The following SEC14L4 variants were observed in gnomAD, a reference collection of about 807,000 sequenced individuals.
SEC14L4 encodes the protein SEC14 like lipid binding 4, also known as SEC14-like protein 4.
Under a neutral mutation model 55.1 loss-of-function variants are expected in SEC14L4, and 42 were observed. The ratio of observed to expected loss-of-function variants is 0.76; its 90% CI spans 0.60 to 0.99. The LOEUF is 0.99. SEC14L4 is among the 50% of genes least tolerant of loss of function. The probability of loss-of-function intolerance (pLI) is 0.00; values close to 1 mark genes in which losing one functional copy is unlikely to be tolerated. For missense variants in SEC14L4, 445 were observed against 512.1 expected, an observed-to-expected ratio of 0.87 and a Z score of 1.27; for synonymous variants, 206 against 206.8, an observed-to-expected ratio of 1.00 and a Z score of 0.03.
chr22:30,489,761 T>TGGG lies in SEC14L4; in HGVS notation c.*343_*345dup. The TGGG allele has an allele frequency of 9.0e-7, 1 of 1,116,012 alleles. No homozygotes were observed. Among genetic ancestry groups the TGGG allele is most frequent in the Non-Finnish European group, 1.3e-6 (1 of 750,074 alleles). 69.1% of individuals were successfully genotyped at this position (1,116,012 alleles called of 1,614,324 possible). A position where few individuals can be genotyped will look rare whatever the true frequency, so the allele number is the denominator to read the frequency against. ...CCCCCTGAAGCTGGAACACCAGGCA[T>TGGG]GGGTGAGTCCTGGGTGGCTGGATCT... is the stretch of plus-strand genomic sequence containing the variant. On this transcript the variant is annotated 3_prime_UTR_variant, in exon 12 of 12. Transcript: ENST00000255858.
intron 2 of SEC14L4, among the ~76,000 whole-genome samples, chr22:30,499,072 C>G (rs1936239684): frequency 6.6e-6 from 1 of 152,050 alleles, no homozygotes; most frequent in African/African-American, 2.4e-5. Context: ...TCCTGAGTAG[C>G]TGAGACTACA....
At chr22:30,495,480 A>AC in intron 4 of SEC14L4, 38 bp from the exon 5 acceptor site, 1 of 1,607,884 alleles carries the variant, frequency 6.2e-7, no homozygotes. Context: ...AATCCAGCTC[A>AC]CCAGGCTGGG....
At chr22:30,491,802 G>A (rs1935966063) in intron 10 of SEC14L4, 32 bp downstream of exon 10, 1 of 1,611,594 alleles carries the variant, frequency 6.2e-7, no homozygotes, top group African/African-American at 1.3e-5. Flanking sequence ...CCTCCCAGAT[G>A]TGCCCAGGTG....
intron 7 of SEC14L4, among the ~76,000 whole-genome samples, chr22:30,493,212 T>G (rs1256873814): frequency 6.6e-6 from 1 of 152,194 alleles, no homozygotes; most frequent in African/African-American, 2.4e-5. Context: ...GTATCACTTC[T>G]TTTCCACACT....
In SEC14L4 at chr22:30,489,794, A is replaced by G. The variant is rs987268090; in HGVS notation, c.*313T>C. The G allele has an allele frequency of 6.9e-7, 1 of 1,441,558 alleles. No individual in the cohort carries two copies. The allele number at this position is 1,441,558 out of a possible 1,614,324, so 89.3% of individuals were successfully genotyped here. ...TCCTGGGTGGCTGGATCTTGTCAAG[A>G]TGGGTGAAAGGGCAGCTTCTGCAAG... On this transcript the variant is annotated 3_prime_UTR_variant, in exon 12 of 12. Coordinates refer to ENST00000255858, the MANE Select transcript of SEC14L4 (RefSeq NM_174977.4).
intron 2 of SEC14L4, among the ~76,000 whole-genome samples, chr22:30,500,586 T>G (rs1024493278): frequency 1.3e-5 from 2 of 150,962 alleles, no homozygotes; most frequent in African/African-American, 4.9e-5. Flanking sequence ...AGGCTGGTCT[T>G]GAACTCCTGG....
At chr22:30,495,507 T>A in intron 4 of SEC14L4, 65 bp from the exon 5 acceptor site, 1 of 1,606,564 alleles carries the variant, frequency 6.2e-7, no homozygotes, top group Non-Finnish European at 8.5e-7. Context: ...CTCCATCAGG[T>A]GGCTGGACGT....
chr22:30,493,900 A>G (rs1048565897), intron 7 of SEC14L4, among the ~76,000 whole-genome samples: 1 of 152,112 alleles, frequency 6.6e-6, no homozygotes, highest in Non-Finnish European at 1.5e-5. Flanking sequence ...GCTACTAGGA[A>G]GGCTGAGGCA....
intron 2 of SEC14L4, among the ~76,000 whole-genome samples, chr22:30,499,896 G>GTC (rs374230359): frequency 5.3e-5 from 8 of 150,174 alleles, no homozygotes; most frequent in Non-Finnish European, 1.0e-4. Context: ...TTGAGACAGA[G>GTC]TCTCTCTCTG....
At chr22:30,492,675 G>T in intron 7 of SEC14L4, 118 bp from the exon 8 acceptor site, 1 of 768,482 alleles carries the variant, frequency 1.3e-6, no homozygotes, top group Non-Finnish European at 2.2e-6. Context: ...GCCACTCTCT[G>T]CTGTGTGACC....
At chr22:30,493,208 C>T (rs1031595037) in intron 7 of SEC14L4, among the ~76,000 whole-genome samples, 3 of 152,082 alleles carry the variant, frequency 2.0e-5, no homozygotes, top group African/African-American at 4.8e-5. Flanking sequence ...AACAGTATCA[C>T]TTCTTTTCCA....
chr22:30,492,265 G>T, intron 8 of SEC14L4, 110 bp from the exon 9 acceptor site: 1 of 1,378,060 alleles, frequency 7.3e-7, no homozygotes, highest in Non-Finnish European at 1.0e-6. Context: ...TGCTCCCCCG[G>T]GCACCTACTC....
At chr22:30,503,308 AG>A (rs1936388890) in intron 2 of SEC14L4, among the ~76,000 whole-genome samples, 1 of 149,972 alleles carries the variant, frequency 6.7e-6, no homozygotes, top group Admixed American at 6.7e-5. Context: ...CTTGATGCCC[AG>A]GCTGGAGTGC....
In SEC14L4 at chr22:30,505,581, G is replaced by T; in HGVS notation, c.31C>A (p.Gln11Lys). The T allele has an allele frequency of 6.4e-7, 1 of 1,569,984 alleles. No homozygotes were observed. The part of the protein sequence containing the change: MSSRVGDLSP[Q>K]QQEALARFRE... ...ACCCTGGCCAGCGCTTCCTGCTGCT[G>T]GGGGCTCAGGTCCCCGACTCGGCTG... The change falls in exon 1 of 12, where the codon CAG becomes AAG. Residue 11 changes from glutamine (Q) to lysine (K), a missense_variant. Physicochemically the swap from Gln to Lys is moderately conservative, Grantham distance 53. Transcript: ENST00000255858.
chr22:30,497,989 A>G (rs1390327594), intron 2 of SEC14L4, among the ~76,000 whole-genome samples: 1 of 152,138 alleles, frequency 6.6e-6, no homozygotes, highest in African/African-American at 2.4e-5. Flanking sequence ...CAGGTGATCA[A>G]ACTGAACAGG....
chr22:30,500,966 C>T (rs941184077), intron 2 of SEC14L4, among the ~76,000 whole-genome samples: 6 of 150,844 alleles, frequency 4.0e-5, no homozygotes, highest in Non-Finnish European at 7.4e-5. Flanking sequence ...GAGGCCGAGG[C>T]GGGAGGATCA....
rs1283887960 is a variant in SEC14L4, at chr22:30,495,397, C to T, written c.280G>A (p.Glu94Lys). 5.0e-6 allele frequency: 8 copies of T among 1,614,008 alleles called. No homozygotes were observed. Among genetic ancestry groups the T allele is most frequent in the African/African-American group, 4.0e-5 (3 of 75,034 alleles). The change falls in exon 5 of 12, where the codon GAA becomes AAA. Residue 94 changes from glutamate (E) to lysine (K), a missense_variant. Physicochemically the swap from Glu to Lys is moderately conservative, Grantham distance 56. Transcript: ENST00000255858. The part of the protein sequence containing the change: ...DSGGLCGYDY[E>K]GCPVYFNIIG... ...ATGTTGAAGTACACAGGGCAGCCTT[C>T]GTAGTCGTAGCCACAAAGACCACCC...
chr22:30,505,655 C>CCCGCCGCCGCCTGGCCTTGTAT lies in SEC14L4; in HGVS notation c.-66_-45dup. The CCCGCCGCCGCCTGGCCTTGTAT allele has an allele frequency of 6.6e-7, 1 of 1,504,972 alleles. No homozygotes were observed. The highest frequency in any genetic ancestry group is 2.5e-5 in the East Asian group (1 of 40,590). 93.2% of individuals were successfully genotyped at this position (1,504,972 alleles called of 1,614,324 possible). ...AAGGCTCAGGGCGCAGGTCCGCCCG[C>CCCGCCGCCGCCTGGCCTTGTAT]CCGCCGCCGCCTGGCCTTGTATCCG... On this transcript the variant is annotated 5_prime_UTR_variant, in exon 1 of 12. Transcript: ENST00000255858.
chr22:30,496,119 G>A, intron 2 of SEC14L4, 148 bp from the exon 3 acceptor site: 1 of 653,264 alleles, frequency 1.5e-6, no homozygotes, highest in Non-Finnish European at 2.7e-6. Flanking sequence ...TTGTTTGTTT[G>A]TTTGTGTGTT....
Sources: allele counts gnomAD v4.1 joint callset (sites outside exome capture counted in the v4.1 genomes callset), GRCh38; gene constraint gnomAD v4.1.1; transcripts MANE v1.5; gene names NCBI Gene and HGNC (gene_info 2026-07-23, HGNC 2026-07-21).